The following IDNK variants were observed in gnomAD, a reference collection of about 807,000 sequenced individuals.
The protein encoded by IDNK is IDNK gluconokinase.
Under a neutral mutation model 13.0 loss-of-function variants are expected in IDNK, and 9 were observed. The observed-to-expected ratio is 0.69, with a 90% CI of 0.42 to 1.21. IDNK has a LOEUF of 1.21. Ranked by LOEUF, IDNK falls within the 50% of genes most tolerant of loss-of-function variation. The pLI, the probability that IDNK is intolerant of heterozygous loss-of-function variation, is 0.00. For missense variants in IDNK, 210 were observed against 237.8 expected (o/e 0.88, Z 0.77); for synonymous variants, 92 against 94.9 (o/e 0.97, Z 0.18).
intron 3 of IDNK, among the ~76,000 whole-genome samples, chr9:83,636,459 T>TG (rs953480605): frequency 8.5e-5 from 13 of 152,174 alleles, no homozygotes; most frequent in African/African-American, 3.1e-4. Flanking sequence ...AACACTGAAT[T>TG]GCAATGGTAG....
At chr9:83,624,735 C>T (rs965521944) in intron 1 of IDNK, among the ~76,000 whole-genome samples, 6 of 150,800 alleles carry the variant, frequency 4.0e-5, no homozygotes, top group South Asian at 2.1e-4. Context: ...TTGTTTGAGG[C>T]GGAGCTTCAC....
intron 1 of IDNK, chr9:83,626,405 CTTG>C: frequency 3.3e-6 from 1 of 304,020 alleles, no homozygotes; most frequent in Non-Finnish European, 6.5e-6. Context: ...GCTAATCTAA[CTTG>C]TTTTTTTGTT....
intron 3 of IDNK, among the ~76,000 whole-genome samples, chr9:83,641,032 C>G (rs754446633): frequency 3.3e-5 from 5 of 152,156 alleles, no homozygotes; most frequent in African/African-American, 7.2e-5. Flanking sequence ...AGGAGGATTT[C>G]TTTGTGAAAC....
At chr9:83,641,494 A>C in intron 3 of IDNK, 54 bp from the exon 4 acceptor site, 1 of 1,588,524 alleles carries the variant, frequency 6.3e-7, no homozygotes, top group South Asian at 1.1e-5. Flanking sequence ...CTACAAACAA[A>C]CAATACCTGG....
chr9:83,639,620 TTTGAAGACTTAGACAAAAC>T (rs1372606520), intron 3 of IDNK, among the ~76,000 whole-genome samples: 1 of 152,140 alleles, frequency 6.6e-6, no homozygotes, highest in Non-Finnish European at 1.5e-5. Flanking sequence ...TGCCAGTAAA[TTTGAAGACTTAGACAAAAC>T]TGGATAATTT....
At chr9:83,629,850 A>G (rs1014237541) in intron 3 of IDNK, among the ~76,000 whole-genome samples, 6 of 152,254 alleles carry the variant, frequency 3.9e-5, no homozygotes, top group East Asian at 1.9e-4. Flanking sequence ...ACATCAGAAA[A>G]TAGTTGTGGC....
intron 1 of IDNK, among the ~76,000 whole-genome samples, chr9:83,626,160 G>T (rs573315998): frequency 2.5e-4 from 38 of 152,252 alleles, no homozygotes; most frequent in Admixed American, 2.5e-3. Context: ...CAACCCACTG[G>T]GAGACATATG....
At chr9:83,642,203 C>A (rs149698980) in intron 4 of IDNK, among the ~76,000 whole-genome samples, 2 of 152,074 alleles carry the variant, frequency 1.3e-5, no homozygotes, top group African/African-American at 2.4e-5. Flanking sequence ...CTGGTCGGGA[C>A]GTGGAGAAGG....
chr9:83,632,651 T>C (rs1204226598), intron 3 of IDNK, among the ~76,000 whole-genome samples: 1 of 150,630 alleles, frequency 6.6e-6, no homozygotes, highest in Non-Finnish European at 1.5e-5. Flanking sequence ...AAAGCCGCAG[T>C]AGGGTTTGCG....
At chr9:83,625,608 T>C (rs936183896) in intron 1 of IDNK, among the ~76,000 whole-genome samples, 1 of 152,266 alleles carries the variant, frequency 6.6e-6, no homozygotes, top group East Asian at 1.9e-4. Flanking sequence ...TATTCATCAT[T>C]GGATGTAGCA....
intron 3 of IDNK, among the ~76,000 whole-genome samples, chr9:83,631,451 G>GAAAAAAAAAAAAAAAAAA (rs57832482): frequency 1.8e-5 from 1 of 56,946 alleles, no homozygotes. Context: ...TACAAAAACT[G>GAAAAAAAAAAAAAAAAAA]AAAAAAAAAA....
At chr9:83,629,919 AT>A (rs1830966104) in intron 3 of IDNK, among the ~76,000 whole-genome samples, 1 of 152,248 alleles carries the variant, frequency 6.6e-6, no homozygotes, top group Non-Finnish European at 1.5e-5. Flanking sequence ...CCGTGAGGCC[AT>A]CCCCTAGAGT....
chr9:83,643,787 T>C lies in IDNK; in HGVS notation c.*7T>C. The C allele has an allele frequency of 6.3e-7, 1 of 1,586,830 alleles. No homozygotes were observed. Among genetic ancestry groups the C allele is most frequent in the Non-Finnish European group, 8.6e-7 (1 of 1,159,076 alleles). On this transcript the variant is annotated 3_prime_UTR_variant, in exon 5 of 5. Transcript: ENST00000376419. The stretch of plus-strand genomic sequence containing the variant: ...AACCCTAAAAATGAAATGACAATGA[T>C]TTTGTATCAGTGGTCCAAACAGAAC...
At chr9:83,623,022 T>G (rs1830739890), upstream of IDNK, 6 of 486,672 alleles carry the variant, frequency 1.2e-5, no homozygotes, top group Admixed American at 4.6e-5. Flanking sequence ...GAGGAAAGCA[T>G]GGAAAAGGGG....
In IDNK at chr9:83,628,934, G is replaced by A. The variant is rs77185129; in HGVS notation, c.143G>A (p.Gly48Glu). ...CCGGAGGAAAATCGAAGGAAGATGG[G>A]AAAAGGCATACCGCTCAATGACCAG... is the stretch of plus-strand genomic sequence containing the variant. Reference protein sequence around the residue: ...YHPEENRRKMGKGIPLNDQDR... With the variant: ...YHPEENRRKMEKGIPLNDQDR... Residue 48 changes from glycine (G) to glutamate (E), a missense_variant, in exon 3 of 5, where the codon GGA (glycine) becomes GAA (glutamate). Physicochemically the swap from Gly to Glu is moderately conservative, Grantham distance 98. Transcript: ENST00000376419. 6.2e-7 allele frequency: 1 copy of A among 1,613,790 alleles called. No homozygotes were observed. The highest frequency in any genetic ancestry group is 1.1e-5 in the South Asian group (1 of 91,076).
chr9:83,623,336 C>A, intron 1 of IDNK, 115 bp downstream of exon 1: 1 of 1,001,668 alleles, frequency 1.0e-6, no homozygotes, highest in Non-Finnish European at 1.4e-6. Flanking sequence ...CCCACCCTTC[C>A]CTTTGCAGAT....
At position 83,623,248 on chromosome 9, in the gene IDNK, C is replaced by T. The variant is rs947694498; in HGVS notation, c.50+27C>T. ...TAGGTCCGGGAGAGGGCGGGGGGCGCCCGGGACAAGTGTTGCGGGCGCGGC... is the reference window on the plus strand; with the variant it reads ...TAGGTCCGGGAGAGGGCGGGGGGCGTCCGGGACAAGTGTTGCGGGCGCGGC... On this transcript the variant is annotated intron_variant, in intron 1 of 4. Transcript: ENST00000376419. 4.3e-6 allele frequency: 6 copies of T among 1,383,366 alleles called. No homozygotes were observed. The African/African-American group carries it at 9.2e-5, about 21-fold the overall frequency. 85.7% of individuals were successfully genotyped at this position (1,383,366 alleles called of 1,614,324 possible).
intron 3 of IDNK, among the ~76,000 whole-genome samples, chr9:83,633,970 G>T (rs552305150): frequency 1.3e-4 from 20 of 152,316 alleles, no homozygotes; most frequent in South Asian, 4.1e-4. Context: ...CCATGGTAGG[G>T]GTTAGGCCTT....
At chr9:83,626,873 T>C in intron 1 of IDNK, 1 of 1,088,242 alleles carries the variant, frequency 9.2e-7, no homozygotes, top group South Asian at 2.2e-5. Context: ...TCTCGCAACC[T>C]TTGGTTACAT....
Sources: gnomAD v4.1 joint callset for allele counts (sites outside exome capture counted in the v4.1 genomes callset) on GRCh38, gnomAD v4.1.1 for gene constraint, MANE v1.5 for transcripts, NCBI Gene and HGNC (gene_info 2026-07-23, HGNC 2026-07-21) for gene names.